Variants in NCKAP1 observed in about 807,000 individuals in gnomAD.
NCKAP1 encodes nck-associated protein 1.
A neutral mutation model predicts 151.2 loss-of-function variants in NCKAP1; 21 were observed. The observed-to-expected ratio is 0.14, with a 90% confidence interval of 0.10 to 0.20. The LOEUF is 0.20. NCKAP1 is among the 10% of genes least tolerant of loss of function. The probability of loss-of-function intolerance (pLI) is 1.00; values close to 1 mark genes in which losing one functional copy is unlikely to be tolerated. For missense variants in NCKAP1, 933 were observed against 1,352.1 expected, an observed-to-expected ratio of 0.69 and a Z score of 4.86; for synonymous variants, 484 against 451.8, an observed-to-expected ratio of 1.07 and a Z score of -0.90.
chr2:182,978,839 T>C lies in NCKAP1; in HGVS notation c.1418A>G (p.Lys473Arg), dbSNP rs748629907. 5.7e-6 allele frequency: 9 copies of C among 1,574,870 alleles called. No individual in the cohort carries two copies. In the African/African-American group the frequency reaches 1.2e-4, roughly 21 times the overall value. Residue 473 changes from lysine (K) to arginine (R), a missense_variant, in exon 14 of 31, where the codon AAA becomes AGA. Physicochemically the swap from Lys to Arg is conservative, Grantham distance 26. Transcript: ENST00000361354. ...FVNTMTSLSVKQVEDGEVFDF... is the reference protein window; with the variant it reads ...FVNTMTSLSVRQVEDGEVFDF... ...TTATTTAAAAGGCTTATTACCTTGTTTTACACTTAGGGAAGTCATAGTGTT... is the reference window on the plus strand; with the variant it reads ...TTATTTAAAAGGCTTATTACCTTGTCTTACACTTAGGGAAGTCATAGTGTT...
intron 20 of NCKAP1, among the ~76,000 whole-genome samples, 183 bp downstream of exon 20, chr2:182,956,279 A>T (rs1478296398): frequency 1.3e-5 from 2 of 152,206 alleles, no homozygotes; most frequent in Non-Finnish European, 2.9e-5. Context: ...TGACCTCGTG[A>T]TCTGCCCACC....
At chr2:183,023,951 C>T (rs1262525240) in intron 1 of NCKAP1, 35 bp from the exon 2 acceptor site, 2 of 1,375,988 alleles carry the variant, frequency 1.5e-6, no homozygotes, top group East Asian at 2.3e-5. Flanking sequence ...AAGTGAAATG[C>T]ACCCTTCTTC....
chr2:183,028,505 A>C (rs1698941550), intron 1 of NCKAP1, among the ~76,000 whole-genome samples: 2 of 152,162 alleles, frequency 1.3e-5, no homozygotes. Flanking sequence ...GTGATGTTAA[A>C]GGATACACTT....
intron 1 of NCKAP1, among the ~76,000 whole-genome samples, chr2:183,036,760 A>G (rs1027177512): frequency 4.0e-5 from 6 of 151,828 alleles, no homozygotes; most frequent in Non-Finnish European, 7.4e-5. Context: ...TAGTGTCTAC[A>G]TCAAATTGTA....
intron 18 of NCKAP1, among the ~76,000 whole-genome samples, chr2:182,961,426 G>C (rs1697449078): frequency 6.6e-6 from 1 of 152,302 alleles, no homozygotes; most frequent in Admixed American, 6.5e-5. Context: ...CATGTCCTTT[G>C]TAGGGACATG....
At chr2:183,016,565 T>C (rs1263467493) in intron 2 of NCKAP1, among the ~76,000 whole-genome samples, 1 of 152,210 alleles carries the variant, frequency 6.6e-6, no homozygotes, top group East Asian at 1.9e-4. Flanking sequence ...AGGGCATATA[T>C]ATTTATTCAT....
At chr2:183,021,690 T>C (rs1027094759) in intron 2 of NCKAP1, among the ~76,000 whole-genome samples, 7 of 152,072 alleles carry the variant, frequency 4.6e-5, no homozygotes, top group Non-Finnish European at 7.4e-5. Flanking sequence ...CAGAAACCAG[T>C]CACAGAAGAC....
chr2:182,992,113 T>C (rs1299318067), intron 8 of NCKAP1, among the ~76,000 whole-genome samples: 1 of 152,214 alleles, frequency 6.6e-6, no homozygotes, highest in Admixed American at 6.5e-5. Context: ...AAGAAGTTCC[T>C]AGGTGTTGCT....
In NCKAP1 at chr2:182,918,422, T is replaced by C. The variant is rs1696498160; in HGVS notation, c.*7280A>G. 1 of 152,116 alleles carries C rather than the reference T, an allele frequency of 6.6e-6. No homozygotes were observed. The highest frequency in any genetic ancestry group is 1.5e-5 in the Non-Finnish European group (1 of 68,004). The allele number at this position is 152,116 out of a possible 1,614,324, so 9.4% of individuals were successfully genotyped here. On this transcript the variant is annotated 3_prime_UTR_variant, in exon 31 of 31. Coordinates refer to ENST00000361354, the MANE Select transcript of NCKAP1 (RefSeq NM_013436.5). Reference sequence around the variant, plus strand: ...AGCACAATTCATAACTGCAAAGATATGGAACCAACCTAAGTGCCCACTGAC... The same window carrying C: ...AGCACAATTCATAACTGCAAAGATACGGAACCAACCTAAGTGCCCACTGAC...
rs552580405 is a variant in NCKAP1 at position 183,024,411 on chromosome 2, T to C, written c.109-495A>G. Among the ~76,000 whole-genome samples the C allele has an allele frequency of 9.2e-5, 14 of 152,296 alleles. No individual in the cohort carries two copies. The South Asian group carries it at 2.9e-3, about 32-fold the overall frequency. ...AGAACTGGAAGCTGCTAAAATTGTC[T>C]TTATAGTGCTAAGGTGTGTTGTCTT... On this transcript the variant is annotated intron_variant, in intron 1 of 30. Coordinates refer to ENST00000361354, the MANE Select transcript of NCKAP1 (RefSeq NM_013436.5).
intron 16 of NCKAP1, among the ~76,000 whole-genome samples, chr2:182,966,278 C>A (rs925119105): frequency 6.6e-6 from 1 of 151,974 alleles, no homozygotes; most frequent in Non-Finnish European, 1.5e-5. Flanking sequence ...TGAATCCTAA[C>A]CCCACTGTTA....
intron 21 of NCKAP1, 59 bp from the exon 22 acceptor site, chr2:182,952,982 A>T (rs1697245032): frequency 2.0e-6 from 3 of 1,530,922 alleles, no homozygotes; most frequent in East Asian, 2.3e-5. Flanking sequence ...ATGTATCATG[A>T]TATACATTCC....
chr2:183,022,423 G>C (rs974245547), intron 2 of NCKAP1, among the ~76,000 whole-genome samples: 1 of 152,176 alleles, frequency 6.6e-6, no homozygotes, highest in African/African-American at 2.4e-5. Flanking sequence ...GTTAAGAAGT[G>C]CAAGTTTTGA....
chr2:182,974,657 G>T (rs1697768769), intron 15 of NCKAP1, among the ~76,000 whole-genome samples: 1 of 152,050 alleles, frequency 6.6e-6, no homozygotes, highest in Non-Finnish European at 1.5e-5. Context: ...GATGGAAGAG[G>T]TTCTCCCTTG....
chr2:183,020,726 G>A (rs955594225), intron 2 of NCKAP1, among the ~76,000 whole-genome samples: 2 of 152,122 alleles, frequency 1.3e-5, no homozygotes, highest in African/African-American at 4.8e-5. Flanking sequence ...AGTGCACTTA[G>A]TAGCCAGAAA....
In NCKAP1 at chr2:182,913,979, A is replaced by G. The variant is rs1177641532; in HGVS notation, c.*11723T>C. ...GTTCTAACTTAGTGAGAAAACTCTG[A>G]TAAGAACCCACCATTTACAAGCTAT... On this transcript the variant is annotated 3_prime_UTR_variant, in exon 31 of 31. Transcript: ENST00000361354. 1 of 152,276 alleles carries G rather than the reference A, an allele frequency of 6.6e-6. No homozygotes were observed. Among genetic ancestry groups the G allele is most frequent in the Non-Finnish European group, 1.5e-5 (1 of 68,108 alleles). 9.4% of individuals were successfully genotyped at this position (152,276 alleles called of 1,614,324 possible). A position where few individuals can be genotyped will look rare whatever the true frequency, so the allele number is the denominator to read the frequency against.
chr2:183,038,087 C>G lies in NCKAP1; in HGVS notation c.13G>C (p.Val5Leu), dbSNP rs1699141267. The G allele has an allele frequency of 6.3e-7, 1 of 1,575,252 alleles. No individual in the cohort carries two copies. Among genetic ancestry groups the G allele is most frequent in the Non-Finnish European group, 8.5e-7 (1 of 1,169,664 alleles). The change falls in exon 1 of 31, where the codon GTG (valine) becomes CTG (leucine). Residue 5 changes from valine (V) to leucine (L), a missense_variant. Coordinates refer to ENST00000361354, the MANE Select transcript of NCKAP1 (RefSeq NM_013436.5). MSRS[V>L]LQPSQQKLAE... is the part of the protein sequence containing the mutation. ...AGCTTCTGCTGACTGGGCTGCAGCACTGAGCGCGACATGGTGGTGCTGGTG... is the reference window on the plus strand; with the variant it reads ...AGCTTCTGCTGACTGGGCTGCAGCAGTGAGCGCGACATGGTGGTGCTGGTG...
At chr2:183,003,452 G>A (rs1698410264) in intron 2 of NCKAP1, 127 bp from the exon 3 acceptor site, 2 of 631,838 alleles carry the variant, frequency 3.2e-6, no homozygotes, top group African/African-American at 3.8e-5. Context: ...GATGATTACG[G>A]CTTTTTAAAA....
At chr2:182,942,885 AGCCT>A (rs1324652770) in intron 23 of NCKAP1, among the ~76,000 whole-genome samples, 1 of 152,150 alleles carries the variant, frequency 6.6e-6, no homozygotes, top group Non-Finnish European at 1.5e-5. Context: ...GTCAGAGATA[AGCCT>A]AGACAACAAT....
Sources: allele counts gnomAD v4.1 joint callset (sites outside exome capture counted in the v4.1 genomes callset), GRCh38; gene constraint gnomAD v4.1.1; transcripts MANE v1.5; gene names NCBI Gene and HGNC (gene_info 2026-07-23, HGNC 2026-07-21).